EPS8L1: variants seen among roughly 807,000 people sequenced by gnomAD.
EPS8L1 encodes the protein EPS8 signaling adaptor L1, also known as epidermal growth factor receptor kinase substrate 8-like protein 1.
A neutral mutation model predicts 91.7 loss-of-function variants in EPS8L1; 101 were observed. The observed-to-expected ratio is 1.10, with a 90% CI of 0.94 to 1.30. The LOEUF is 1.30. Among genes scored for constraint, EPS8L1 ranks in the 50% most tolerant of loss-of-function variants. The pLI, the probability that EPS8L1 is intolerant of heterozygous loss-of-function variation, is 0.00. For synonymous variants in EPS8L1, 506 were observed against 445.3 expected, an observed-to-expected ratio of 1.14 and a Z score of -1.72; for missense variants, 1,114 against 1,017.0, an observed-to-expected ratio of 1.10 and a Z score of -1.30.
At chr19:55,082,874 C>A (rs1207921800) in intron 12 of EPS8L1, among the ~76,000 whole-genome samples, 168 of 34,658 alleles carry the variant, frequency 4.8e-3, no homozygotes, top group Non-Finnish European at 7.4e-3. Flanking sequence ...CTAGGGGCTA[C>A]GGGGCAGGGG....
In EPS8L1 at chr19:55,083,566, G is replaced by A. The variant is rs115907080; in HGVS notation, c.1356+47G>A. On this transcript the variant is annotated intron_variant, in intron 13 of 19. Coordinates refer to ENST00000201647, the MANE Select transcript of EPS8L1 (RefSeq NM_133180.3). This position sits in a 1 kb window ranked among gnomAD's most constrained non-coding sequence, Gnocchi z 4.7. ...GGCCGAGGCTGGGAAGTCCGGGGGC[G>A]CGGCCGGTCCGCCTGGCCCCGCCTG... 7.0e-4 allele frequency: 1,120 copies of A among 1,596,156 alleles called. 11 individuals are homozygous for A. In the African/African-American group the frequency reaches 0.013, roughly 18 times the overall value.
chr19:55,087,000 G>C, intron 18 of EPS8L1, 112 bp downstream of exon 18: 1 of 1,344,326 alleles, frequency 7.4e-7, no homozygotes, highest in Non-Finnish European at 9.7e-7. Context: ...AGGGAGCCGG[G>C]ATTAGCCCGA....
chr19:55,083,675 G>T lies in EPS8L1; in HGVS notation c.1385+31G>T. ...TGTCCGCCCCAGGGCAGGGCAAGGG[G>T]GTCAAGGAGGGGTGCGTCCCGGGGG... On this transcript the variant is annotated intron_variant, in intron 14 of 19. Coordinates refer to ENST00000201647, the MANE Select transcript of EPS8L1 (RefSeq NM_133180.3). The surrounding 1 kb of genome is among the most constrained non-coding windows in gnomAD (Gnocchi z 4.7). 4 of 1,582,938 alleles carry T rather than the reference G, an allele frequency of 2.5e-6. No individual in the cohort carries two copies. Among genetic ancestry groups the T allele is most frequent in the Non-Finnish European group, 3.4e-6 (4 of 1,164,820 alleles).
rs1261423215 is a variant in EPS8L1, at chr19:55,080,669, C to T, written c.430-103C>T. The T allele has an allele frequency of 8.3e-6, 13 of 1,562,824 alleles. No homozygotes were observed. In the African/African-American group the frequency reaches 1.8e-4, roughly 21 times the overall value. Reference sequence around the variant, plus strand: ...GTGGGTTCACAGGTGTGAACGGTAGCCGCACGTGGGCTGGGACTGAGCTGA... The same window carrying T: ...GTGGGTTCACAGGTGTGAACGGTAGTCGCACGTGGGCTGGGACTGAGCTGA... On this transcript the variant is annotated intron_variant, in intron 6 of 19. Coordinates refer to ENST00000201647, the MANE Select transcript of EPS8L1 (RefSeq NM_133180.3).
chr19:55,078,834 G>T lies in EPS8L1; in HGVS notation c.59-165G>T, dbSNP rs1396446252. 9.1e-4 allele frequency among the ~76,000 whole-genome samples: 68 copies of T among 74,430 alleles called. 16 individuals carry two copies. The highest frequency in any genetic ancestry group is 0.014 in the Middle Eastern group (2 of 144). The allele number at this position is 74,430 out of a possible 152,430, so 48.8% of individuals were successfully genotyped here. A position where few individuals can be genotyped will look rare whatever the true frequency, so the allele number is the denominator to read the frequency against. On this transcript the variant is annotated intron_variant, in intron 3 of 19. Transcript: ENST00000201647. ...TGGGGGCCTGGACTCCTGGGTTTGA[G>T]GGAGGAGGGGCTGGGGGCCTGGACT...
At chr19:55,086,635 G>GGCCCC in intron 17 of EPS8L1, 79 bp from the exon 18 acceptor site, 50 of 1,307,492 alleles carry the variant, frequency 3.8e-5, no homozygotes, top group Non-Finnish European at 4.8e-5. Context: ...ACGCTGGAGC[G>GGCCCC]CCCCCCCGCC....
Position 55,081,188 on chromosome 19 carries a change from C to A in EPS8L1, c.513-43C>A, listed in dbSNP as rs1199511889. The A allele has an allele frequency of 3.4e-6, 5 of 1,479,416 alleles. No homozygotes were observed. In the Admixed American group the frequency reaches 1.2e-4, roughly 37 times the overall value. The allele number at this position is 1,479,416 out of a possible 1,614,324, so 91.6% of individuals were successfully genotyped here. A position where few individuals can be genotyped will look rare whatever the true frequency, so the allele number is the denominator to read the frequency against. ...GCCCTGGATTTCCCCCTCCCTGGAC[C>A]CCTCAGTGGACCCAGTCTTGGTGTC... On this transcript the variant is annotated intron_variant, in intron 7 of 19. Coordinates refer to ENST00000201647, the MANE Select transcript of EPS8L1 (RefSeq NM_133180.3). The surrounding 1 kb of genome is among the most constrained non-coding windows in gnomAD (Gnocchi z 4.9).
rs1555846354 is a variant in EPS8L1, at chr19:55,086,412, A to ACCAGCCCCAGCCCCGGCCCCACCT, written c.1677_1700dup (p.Pro560_Ala567dup). 21 of 1,564,956 alleles carry ACCAGCCCCAGCCCCGGCCCCACCT rather than the reference A, an allele frequency of 1.3e-5. No individual in the cohort carries two copies. In the East Asian group the frequency reaches 4.9e-4, roughly 37 times the overall value. On this transcript the variant is annotated inframe_insertion, in exon 17 of 20. Coordinates refer to ENST00000201647, the MANE Select transcript of EPS8L1 (RefSeq NM_133180.3). ...TTCAGAACAGCACTCCTCCTCCACC[A>ACCAGCCCCAGCCCCGGCCCCACCT]CCAGCCCCAGCCCCGGCCCCACCTC...
Position 55,079,063 on chromosome 19 carries a change from T to A in EPS8L1, c.117+6T>A, listed in dbSNP as rs1195126346. On this transcript the variant is annotated splice_donor_region_variant and intron_variant, in intron 4 of 19. Coordinates refer to ENST00000201647, the MANE Select transcript of EPS8L1 (RefSeq NM_133180.3). The stretch of plus-strand genomic sequence containing the variant: ...TATCCCAGTACCCAGTCAATGTGAG[T>A]CTGGGGTCTGTGTTCCCCCAGGACA... 3.1e-6 allele frequency: 5 copies of A among 1,613,878 alleles called. No individual in the cohort carries two copies. The South Asian group carries it at 4.4e-5, about 14-fold the overall frequency.
chr19:55,082,674 TG>T, intron 12 of EPS8L1, 72 bp downstream of exon 12: 1 of 1,406,706 alleles, frequency 7.1e-7, no homozygotes, highest in South Asian at 1.3e-5. Context: ...GTGGGTGGCA[TG>T]ATGATTGGAA....
chr19:55,083,525 C>A lies in EPS8L1; in HGVS notation c.1356+6C>A, dbSNP rs1165534928. On this transcript the variant is annotated splice_donor_region_variant and intron_variant, in intron 13 of 19. Transcript: ENST00000201647. The surrounding 1 kb of genome is among the most constrained non-coding windows in gnomAD (Gnocchi z 4.7). ...ACGAGCGGAGGCGCCGGCAGGTGAC[C>A]CAAGCGACACAGCAGGGCCGAGGCT... The A allele has an allele frequency of 6.2e-7, 1 of 1,608,416 alleles. No homozygotes were observed.
chr19:55,082,413 A>C, intron 11 of EPS8L1, 41 bp from the exon 12 acceptor site: 1 of 1,611,908 alleles, frequency 6.2e-7, no homozygotes, highest in South Asian at 1.1e-5. Flanking sequence ...GACTTGTAGA[A>C]GGTGTGGCGG....
At position 55,087,455 on chromosome 19, in the gene EPS8L1, C is replaced by T. The variant is rs764435074; in HGVS notation, c.2085+20C>T. On this transcript the variant is annotated intron_variant, in intron 19 of 19. Transcript: ENST00000201647. ...CTGGAGGTGAGCCGGACCGCTGGTC[C>T]CTGGGTCTGGGTAGGGTTGGGATGA... The T allele has an allele frequency of 2.5e-6, 4 of 1,614,124 alleles. No individual in the cohort carries two copies. In the Admixed American group the frequency reaches 6.7e-5, roughly 27 times the overall value.
At chr19:55,080,494 A>T in intron 6 of EPS8L1, 1 of 1,613,802 alleles carries the variant, frequency 6.2e-7, no homozygotes, top group South Asian at 1.1e-5. Context: ...GGATGAGGAC[A>T]TGAACAGAAC....
chr19:55,083,408 A>G lies in EPS8L1; in HGVS notation c.1245A>G (p.Pro415=). 6.2e-7 allele frequency: 1 copy of G among 1,613,120 alleles called. No homozygotes were observed. Among genetic ancestry groups the G allele is most frequent in the Non-Finnish European group, 8.5e-7 (1 of 1,179,984 alleles). The change falls in exon 13 of 20, where the codon CCA becomes CCG. Residue 415 remains proline (P), a synonymous_variant. Coordinates refer to ENST00000201647, the MANE Select transcript of EPS8L1 (RefSeq NM_133180.3). This position sits in a 1 kb window ranked among gnomAD's most constrained non-coding sequence, Gnocchi z 4.7. ...GLELSPEEGP[P]YRPEFFSGWE... The stretch of plus-strand genomic sequence containing the variant: ...AGCTGTCCCCGGAGGAGGGACCCCC[A>G]TACAGACCCGAGTTCTTCAGCGGCT...
At chr19:55,080,299 T>TG in intron 6 of EPS8L1, 21 bp downstream of exon 6, 2 of 1,529,996 alleles carry the variant, frequency 1.3e-6, no homozygotes, top group Non-Finnish European at 1.8e-6. Context: ...GGGCTGGCTC[T>TG]GGGGGTGGAG....
chr19:55,086,459 G>A lies in EPS8L1; in HGVS notation c.1718G>A (p.Trp573Ter), dbSNP rs1555846386. 1 of 1,552,372 alleles carries A rather than the reference G, an allele frequency of 6.4e-7. No individual in the cohort carries two copies. The highest frequency in any genetic ancestry group is 8.7e-7 in the Non-Finnish European group (1 of 1,147,314). ...CCTCCAGCTCTGGCTCGGCCCCGCT[G>A]GGACAGGCCCCGCTGGGACAGCTGC... is the stretch of plus-strand genomic sequence containing the variant. ...APPPALARPR[W>*]DRPRWDSCDS... is the part of the protein sequence containing the mutation. The change falls in exon 17 of 20, where the codon TGG (tryptophan) becomes TAG (stop). Residue 573 changes from tryptophan (W) to a stop codon, truncating the protein, a stop_gained. Coordinates refer to ENST00000201647, the MANE Select transcript of EPS8L1 (RefSeq NM_133180.3). LOFTEE classifies it high-confidence loss of function.
At chr19:55,082,976 G>T (rs1343034394) in intron 12 of EPS8L1, among the ~76,000 whole-genome samples, 1 of 152,122 alleles carries the variant, frequency 6.6e-6, no homozygotes, top group African/African-American at 2.4e-5. Flanking sequence ...TGGCAGTTCC[G>T]CAGGGAAAGG....
intron 9 of EPS8L1, 82 bp from the exon 10 acceptor site, chr19:55,082,010 A>T (rs752633580): frequency 6.4e-7 from 1 of 1,551,942 alleles, no homozygotes; most frequent in Non-Finnish European, 8.7e-7. Context: ...CCTCACCGCC[A>T]TCTTAACCGG....
Sources: gnomAD v4.1 joint callset for allele counts (sites outside exome capture counted in the v4.1 genomes callset) on GRCh38, gnomAD v4.1.1 for gene constraint, Gnocchi (gnomAD v3.1) non-coding constraint, MANE v1.5 for transcripts, NCBI Gene and HGNC (gene_info 2026-07-23, HGNC 2026-07-21) for gene names.